Variants in CEP83 observed in about 807,000 individuals in gnomAD.
CEP83 encodes the protein centrosomal protein of 83 kDa.
A neutral mutation model predicts 101.9 loss-of-function variants in CEP83; 70 were observed. That is an observed-to-expected ratio of 0.69 (90% CI 0.57 to 0.84). The LOEUF (loss-of-function observed/expected upper bound fraction) is 0.84, where lower values mean the gene tolerates loss of function less well. Among genes scored for constraint, CEP83 ranks in the 40% least tolerant of loss-of-function variants. The pLI, the probability that CEP83 is intolerant of heterozygous loss-of-function variation, is 0.00. For synonymous variants in CEP83, 264 were observed against 267.9 expected (o/e 0.99, Z 0.14); for missense variants, 715 against 787.2 (o/e 0.91, Z 1.10).
intron 2 of CEP83, among the ~76,000 whole-genome samples, chr12:94,433,218 G>C (rs1520723): frequency 6.6e-6 from 1 of 151,946 alleles, no homozygotes; most frequent in Non-Finnish European, 1.5e-5. Context: ...AAGACATTAC[G>C]GGGTAGACTC....
At chr12:94,278,395 T>G in the CEP83 span, among the ~76,000 whole-genome samples, 1 of 152,256 alleles carries the variant, frequency 6.6e-6, no homozygotes, top group Non-Finnish European at 1.5e-5. Flanking sequence ...CTATTTGTTC[T>G]TAGACAAAGT....
chr12:94,282,249 T>A, the CEP83 span: 1 of 1,253,802 alleles, frequency 8.0e-7, no homozygotes, highest in South Asian at 1.2e-5. Flanking sequence ...GAAAGTAAAG[T>A]GGTGGCATTT....
At chr12:94,381,997 T>A (rs1270166222) in intron 6 of CEP83, among the ~76,000 whole-genome samples, 1 of 152,056 alleles carries the variant, frequency 6.6e-6, no homozygotes, top group Non-Finnish European at 1.5e-5. Context: ...AGTTAACTAT[T>A]CATTTTGGGA....
chr12:94,455,894 A>C (rs2067635900), intron 1 of CEP83, among the ~76,000 whole-genome samples: 2 of 152,070 alleles, frequency 1.3e-5, no homozygotes, highest in African/African-American at 2.4e-5. Context: ...CAAAATACAA[A>C]AAAAAAGCCA....
intron 14 of CEP83, among the ~76,000 whole-genome samples, chr12:94,328,718 A>G (rs1034807603): frequency 7.2e-5 from 11 of 152,234 alleles, no homozygotes; most frequent in Non-Finnish European, 1.5e-4. Flanking sequence ...GAAACGACTC[A>G]TATGGACCAT....
chr12:94,316,193 A>T (rs544979482), intron 14 of CEP83, among the ~76,000 whole-genome samples: 1 of 152,268 alleles, frequency 6.6e-6, no homozygotes, highest in East Asian at 1.9e-4. Flanking sequence ...ATTTCAGTGT[A>T]GAAGTCATAA....
the CEP83 span, chr12:94,300,807 T>G: frequency 1.9e-6 from 2 of 1,074,582 alleles, no homozygotes; most frequent in Non-Finnish European, 2.7e-6. Context: ...AGTTGTATAC[T>G]TCAATAACAA....
chr12:94,274,613 G>T, the CEP83 span, among the ~76,000 whole-genome samples: 1 of 152,314 alleles, frequency 6.6e-6, no homozygotes, highest in South Asian at 2.1e-4. Flanking sequence ...TCTGGGGAAG[G>T]GACCAGTGTA....
At chr12:94,437,729 G>C (rs944793026) in intron 1 of CEP83, among the ~76,000 whole-genome samples, 3 of 152,140 alleles carry the variant, frequency 2.0e-5, no homozygotes, top group Non-Finnish European at 2.9e-5. Context: ...ACTGCTAAAA[G>C]GAGTTCTGAC....
downstream of CEP83, chr12:94,304,178 C>G: frequency 1.6e-6 from 1 of 636,284 alleles, no homozygotes; most frequent in Non-Finnish European, 2.8e-6. Context: ...GGAAGCCTGT[C>G]TGAGATGGGG....
chr12:94,289,012 G>A, the CEP83 span, among the ~76,000 whole-genome samples: 168 of 152,230 alleles, frequency 1.1e-3, 4 homozygotes, highest in East Asian at 0.027. Context: ...CTTAGGTGGA[G>A]CCATATGAAA....
At chr12:94,379,115 C>A in intron 6 of CEP83, 73 bp from the exon 7 acceptor site, 1 of 1,281,594 alleles carries the variant, frequency 7.8e-7, no homozygotes, top group Non-Finnish European at 1.1e-6. Context: ...CTTTACAAGT[C>A]AGTAAAATTA....
chr12:94,267,481 C>G, the CEP83 span, among the ~76,000 whole-genome samples: 2 of 152,058 alleles, frequency 1.3e-5, no homozygotes, highest in East Asian at 3.8e-4. Flanking sequence ...TTCTTTATAG[C>G]CCCTGGGGAA....
At chr12:94,398,832 G>C (rs2063068245) in intron 6 of CEP83, among the ~76,000 whole-genome samples, 1 of 152,076 alleles carries the variant, frequency 6.6e-6, no homozygotes, top group Non-Finnish European at 1.5e-5. Context: ...CTGGGGGGAG[G>C]TCTATAAACG....
the CEP83 span, among the ~76,000 whole-genome samples, chr12:94,295,547 C>T: frequency 1.2e-4 from 18 of 152,136 alleles, no homozygotes; most frequent in African/African-American, 3.6e-4. Flanking sequence ...AACACTGCTG[C>T]TAGTTTCCAT....
intron 8 of CEP83, among the ~76,000 whole-genome samples, chr12:94,372,859 A>C (rs2061365258): frequency 1.3e-5 from 2 of 152,184 alleles, no homozygotes; most frequent in Non-Finnish European, 2.9e-5. Context: ...TATGGATCTA[A>C]AGTTTTTCTT....
At chr12:94,448,148 CA>C (rs968695543) in intron 1 of CEP83, among the ~76,000 whole-genome samples, 27 of 150,676 alleles carry the variant, frequency 1.8e-4, no homozygotes, top group Middle Eastern at 6.9e-3. Flanking sequence ...ACAGTAACCA[CA>C]AAAAAAACTA....
At chr12:94,277,690 G>A in the CEP83 span, 1 of 333,270 alleles carries the variant, frequency 3.0e-6, no homozygotes, top group East Asian at 8.4e-5. Context: ...AGCATGGAGT[G>A]GGCGTCCTAG....
At position 94,310,079 on chromosome 12, in the gene CEP83, T is replaced by TA; in HGVS notation, c.1839_1840insT (p.Arg614Ter). On this transcript the variant is annotated frameshift_variant, in exon 16 of 17. Transcript: ENST00000397809. LOFTEE classifies it high-confidence loss of function. ...ATATCTTTTAGTCTTTTTTGAAGCCTTGTATAGTCTTCAAAAGGAACATTT... is the reference window on the plus strand; with the variant it reads ...ATATCTTTTAGTCTTTTTTGAAGCCTATGTATAGTCTTCAAAAGGAACATTT... 1 of 1,585,110 alleles carries TA rather than the reference T, an allele frequency of 6.3e-7. No homozygotes were observed. Among genetic ancestry groups the TA allele is most frequent in the Non-Finnish European group, 8.6e-7 (1 of 1,159,272 alleles).
Sources: allele counts gnomAD v4.1 joint callset (sites outside exome capture counted in the v4.1 genomes callset), GRCh38; gene constraint gnomAD v4.1.1; transcripts MANE v1.5; gene names NCBI Gene and HGNC (gene_info 2026-07-23, HGNC 2026-07-21).